BABAM2: variants seen among roughly 807,000 people sequenced by gnomAD.
The protein encoded by BABAM2 is BRISC and BRCA1-A complex member 2.
BABAM2 carries 31 observed loss-of-function variants against 54.7 expected under a neutral mutation model. The ratio of observed to expected loss-of-function variants is 0.57; its 90% CI spans 0.43 to 0.77. BABAM2 has a LOEUF of 0.77. Ranked by LOEUF, BABAM2 falls within the 30% of genes least tolerant of loss-of-function variation. The pLI is 0.00. For synonymous variants in BABAM2, 167 were observed against 162.9 expected, an observed-to-expected ratio of 1.03 and a Z score of -0.19; for missense variants, 364 against 455.8, an observed-to-expected ratio of 0.80 and a Z score of 1.83.
intron 6 of BABAM2, among the ~76,000 whole-genome samples, chr2:28,058,326 A>G (rs1383149565): frequency 6.6e-6 from 1 of 152,094 alleles, no homozygotes; most frequent in East Asian, 1.9e-4. Context: ...ACTTAACTCA[A>G]ATTTTAATCA....
In BABAM2 at chr2:28,221,994, G is replaced by A. The variant is rs114742080; in HGVS notation, c.681-15208G>A. Among the ~76,000 whole-genome samples the A allele has an allele frequency of 5.7e-3, 871 of 152,316 alleles. 8 individuals are homozygous for A. Among genetic ancestry groups the A allele is most frequent in the African/African-American group, 0.02 (822 of 41,566 alleles). On this transcript the variant is annotated intron_variant, in intron 7 of 11. Transcript: ENST00000379624. ...CATCCAGAAAAGCAAGTTGTCCTGA[G>A]TTAGCCCCAGACTGTATTGAGAAGC... is the stretch of plus-strand genomic sequence containing the variant.
chr2:28,106,733 T>G (rs1172214191), intron 6 of BABAM2, among the ~76,000 whole-genome samples: 1 of 152,214 alleles, frequency 6.6e-6, no homozygotes, highest in Non-Finnish European at 1.5e-5. Flanking sequence ...AAGTTACTTT[T>G]TTCCCCTTTG....
rs1319250963 is a variant in BABAM2 at position 28,016,296 on chromosome 2, CT to C, written c.301-8928del. The C allele has an allele frequency of 8.1e-6, 8 of 988,576 alleles. No homozygotes were observed. In the East Asian group the frequency reaches 2.0e-4, roughly 25 times the overall value. The allele number at this position is 988,576 out of a possible 1,614,324, so 61.2% of individuals were successfully genotyped here. A position where few individuals can be genotyped will look rare whatever the true frequency, so the allele number is the denominator to read the frequency against. On this transcript the variant is annotated intron_variant, in intron 4 of 11. Transcript: ENST00000379624. ...TTCTTCCAGTTCTCATTCATTTTTTCTTCACATTCAACCAAACTCTTGGAGC... is the reference window on the plus strand; with the variant it reads ...TTCTTCCAGTTCTCATTCATTTTTTCTCACATTCAACCAAACTCTTGGAGC...
intron 4 of BABAM2, chr2:28,015,897 T>C (rs536147318): frequency 1.2e-4 from 69 of 596,366 alleles, no homozygotes; most frequent in African/African-American, 1.0e-3. Context: ...CCATATACTC[T>C]GATTCTGACA....
At chr2:27,985,218 C>T (rs911267448) in intron 3 of BABAM2, among the ~76,000 whole-genome samples, 1 of 151,978 alleles carries the variant, frequency 6.6e-6, no homozygotes, top group Non-Finnish European at 1.5e-5. Context: ...TGTATAATGA[C>T]TCCTTTTCCT....
At chr2:28,035,533 C>T (rs868358125) in intron 5 of BABAM2, among the ~76,000 whole-genome samples, 7 of 152,006 alleles carry the variant, frequency 4.6e-5, no homozygotes, top group South Asian at 2.1e-4. Context: ...TGTAGTGTGG[C>T]GGTCAGATAT....
chr2:28,085,776 A>G (rs1200227470), intron 6 of BABAM2, among the ~76,000 whole-genome samples: 1 of 152,152 alleles, frequency 6.6e-6, no homozygotes, highest in Non-Finnish European at 1.5e-5. Flanking sequence ...TATTTGAAAA[A>G]TTCATACCAA....
At chr2:28,281,316 T>C (rs1455526315) in intron 10 of BABAM2, among the ~76,000 whole-genome samples, 3 of 152,198 alleles carry the variant, frequency 2.0e-5, no homozygotes, top group African/African-American at 4.8e-5. Flanking sequence ...TTCTTGGAGG[T>C]AGACAAAGCT....
intron 11 of BABAM2, among the ~76,000 whole-genome samples, 158 bp downstream of exon 11, chr2:28,298,649 A>G (rs986582266): frequency 1.3e-5 from 2 of 152,214 alleles, no homozygotes; most frequent in Non-Finnish European, 2.9e-5. Context: ...TTTACTTATT[A>G]TCTGTGGCCG....
At chr2:28,245,530 C>T (rs1682840797) in intron 10 of BABAM2, among the ~76,000 whole-genome samples, 1 of 152,170 alleles carries the variant, frequency 6.6e-6, no homozygotes, top group Non-Finnish European at 1.5e-5. Context: ...CCAGCTTTCT[C>T]TTGATAGATA....
At chr2:28,044,682 T>C (rs1020353091) in intron 5 of BABAM2, among the ~76,000 whole-genome samples, 6 of 152,230 alleles carry the variant, frequency 3.9e-5, no homozygotes, top group African/African-American at 7.2e-5. Context: ...TGTTTTAAGA[T>C]GTGTTTAGGG....
intron 6 of BABAM2, among the ~76,000 whole-genome samples, chr2:28,058,944 C>T (rs1678650158): frequency 6.6e-6 from 1 of 152,134 alleles, no homozygotes. Flanking sequence ...GTTTGAGAAG[C>T]ATTATTCGAG....
intron 6 of BABAM2, among the ~76,000 whole-genome samples, chr2:28,125,030 A>G (rs1669385501): frequency 6.6e-6 from 1 of 152,172 alleles, no homozygotes; most frequent in African/African-American, 2.4e-5. Flanking sequence ...GACAACAAAG[A>G]CTAAGAACCT....
intron 7 of BABAM2, among the ~76,000 whole-genome samples, chr2:28,164,044 A>C (rs1222889281): frequency 6.6e-6 from 1 of 152,256 alleles, no homozygotes; most frequent in East Asian, 1.9e-4. Context: ...CAAAAGGCAC[A>C]TCTGGCACAA....
At chr2:27,974,784 T>A (rs1230448942) in intron 3 of BABAM2, among the ~76,000 whole-genome samples, 1 of 152,058 alleles carries the variant, frequency 6.6e-6, no homozygotes. Flanking sequence ...GCATATGGAT[T>A]GGAAAGGAAG....
At chr2:28,252,170 G>A (rs1683553871) in intron 10 of BABAM2, among the ~76,000 whole-genome samples, 1 of 148,972 alleles carries the variant, frequency 6.7e-6, no homozygotes, top group Non-Finnish European at 1.5e-5. Flanking sequence ...TGGGCAAGAG[G>A]AGTGAAACTC....
At chr2:28,228,658 G>GA (rs532907172) in intron 7 of BABAM2, among the ~76,000 whole-genome samples, 15 of 148,462 alleles carry the variant, frequency 1.0e-4, no homozygotes, top group Non-Finnish European at 9.0e-5. Context: ...TGCAACAAGA[G>GA]AAAAAAAAAA....
chr2:28,180,048 A>G (rs771509057), intron 7 of BABAM2, among the ~76,000 whole-genome samples: 12 of 152,218 alleles, frequency 7.9e-5, no homozygotes, highest in Non-Finnish European at 1.6e-4. Flanking sequence ...TACTCAAAGC[A>G]ATCTACAGAT....
chr2:28,222,599 G>A (rs1409102343), intron 7 of BABAM2, among the ~76,000 whole-genome samples: 2 of 152,186 alleles, frequency 1.3e-5, no homozygotes, highest in African/African-American at 2.4e-5. Flanking sequence ...TGCTCTATTA[G>A]TACATGTTTA....
Sources: allele counts gnomAD v4.1 joint callset (sites outside exome capture counted in the v4.1 genomes callset), GRCh38; gene constraint gnomAD v4.1.1; transcripts MANE v1.5; gene names NCBI Gene and HGNC (gene_info 2026-07-23, HGNC 2026-07-21).